Variants in LYG1 observed in about 807,000 individuals in gnomAD.
The protein encoded by LYG1 is lysozyme g-like protein 1.
In LYG1, 17 loss-of-function variants were observed where a neutral mutation model predicts 21.7. The ratio of observed to expected loss-of-function variants is 0.78; its 90% CI spans 0.54 to 1.18. LYG1 has a LOEUF of 1.18. LYG1 is among the 50% of genes most tolerant of loss of function. The pLI is 0.00. For missense variants in LYG1, 211 were observed against 238.1 expected (o/e 0.89, Z 0.75); for synonymous variants, 81 against 87.4 (o/e 0.93, Z 0.41).
chr2:99,284,768 T>C lies in LYG1; in HGVS notation c.386A>G (p.Gln129Arg), dbSNP rs776137431. The C allele has an allele frequency of 6.2e-7, 1 of 1,613,802 alleles. No individual in the cohort carries two copies. The highest frequency in any genetic ancestry group is 1.3e-5 in the African/African-American group (1 of 75,028). The change falls in exon 6 of 7, where the codon CAG becomes CGG. Residue 129 changes from glutamine (Q) to arginine (R), a missense_variant. Transcript: ENST00000308528. ...TCTAGTAGTCAGAACTTCAGTTGTC[T>C]GGGAAACCTGAGACTCACTAATCCA... ...TSWISESQVS[Q>R]TTEVLTTRIK...
At chr2:99,287,703 G>C (rs1373741628) in intron 5 of LYG1, among the ~76,000 whole-genome samples, 4 of 152,006 alleles carry the variant, frequency 2.6e-5, no homozygotes, top group Non-Finnish European at 4.4e-5. Flanking sequence ...ACTTAGTGTT[G>C]TGTATGTGTG....
intron 4 of LYG1, among the ~76,000 whole-genome samples, chr2:99,292,265 A>G (rs919594920): frequency 1.3e-5 from 2 of 152,230 alleles, no homozygotes; most frequent in African/African-American, 4.8e-5. Flanking sequence ...AACCTGGGCA[A>G]CAAGACAGAA....
At chr2:99,292,985 C>CTTTTTTTTTTT (rs70940159) in intron 3 of LYG1, among the ~76,000 whole-genome samples, 6 of 83,164 alleles carry the variant, frequency 7.2e-5, no homozygotes, top group East Asian at 4.1e-4. Context: ...CCTCATCTTA[C>CTTTTTTTTTTT]TTTTTTTTTT....
chr2:99,292,985 CTTTTTT>C (rs70940159), intron 3 of LYG1, among the ~76,000 whole-genome samples: 54 of 83,158 alleles, frequency 6.5e-4, no homozygotes, highest in African/African-American at 1.7e-3. Context: ...CCTCATCTTA[CTTTTTT>C]TTTTTTTTTT....
intron 2 of LYG1, among the ~76,000 whole-genome samples, chr2:99,296,480 C>T (rs763267571): frequency 5.3e-5 from 8 of 152,178 alleles, no homozygotes; most frequent in Non-Finnish European, 7.3e-5. Context: ...CTTATCCCAA[C>T]CATTCCCCTA....
chr2:99,287,124 G>A (rs938060114), intron 5 of LYG1, among the ~76,000 whole-genome samples: 2 of 152,154 alleles, frequency 1.3e-5, no homozygotes, highest in African/African-American at 4.8e-5. Context: ...GGGAAACTGG[G>A]AGTTGCTAAT....
At position 99,284,383 on chromosome 2, in the gene LYG1, A is replaced by C. The variant is rs2094090081; in HGVS notation, c.*10T>G. 3 of 1,612,650 alleles carry C rather than the reference A, an allele frequency of 1.9e-6. No homozygotes were observed. Among genetic ancestry groups the C allele is most frequent in the Non-Finnish European group, 2.5e-6 (3 of 1,178,726 alleles). ...ATATGTGATCATGGTCTTGGGTTTC[A>C]TCTGAGATGTTAGAAGCCATGTCTC... On this transcript the variant is annotated 3_prime_UTR_variant, in exon 7 of 7. Transcript: ENST00000308528.
chr2:99,299,862 G>A (rs2094149092), intron 1 of LYG1, among the ~76,000 whole-genome samples: 1 of 149,972 alleles, frequency 6.7e-6, no homozygotes, highest in African/African-American at 2.5e-5. Context: ...GTAGCATCAT[G>A]TCGTACTCAT....
intron 1 of LYG1, among the ~76,000 whole-genome samples, chr2:99,299,430 A>AT (rs879585259): frequency 6.8e-4 from 96 of 140,672 alleles, no homozygotes; most frequent in Middle Eastern, 3.7e-3. Context: ...AATTGTTTTA[A>AT]TTTTTTTTTT....
At chr2:99,302,243 C>T (rs867115185), upstream of LYG1, among the ~76,000 whole-genome samples, 44 of 152,178 alleles carry the variant, frequency 2.9e-4, no homozygotes, top group Admixed American at 8.5e-4. Flanking sequence ...GGTATACAGT[C>T]TGTTTCTTCT....
chr2:99,291,595 T>C (rs1279330320), intron 4 of LYG1, among the ~76,000 whole-genome samples, 174 bp from the exon 5 acceptor site: 1 of 152,128 alleles, frequency 6.6e-6, no homozygotes, highest in Non-Finnish European at 1.5e-5. Flanking sequence ...AGGTTAGGGC[T>C]CTCCTCCTGT....
intron 3 of LYG1, 54 bp downstream of exon 3, chr2:99,295,574 C>T: frequency 6.3e-7 from 1 of 1,593,606 alleles, no homozygotes; most frequent in South Asian, 1.1e-5. Context: ...CATTGTGTTC[C>T]TGTGCTTATC....
upstream of LYG1, among the ~76,000 whole-genome samples, chr2:99,303,637 G>A (rs140819094): frequency 0.014 from 2,188 of 152,276 alleles, 23 homozygotes; most frequent in Middle Eastern, 0.034. Context: ...TTGCATTGGA[G>A]GTGAGCCAGA....
At chr2:99,299,523 C>T (rs891899409) in intron 1 of LYG1, among the ~76,000 whole-genome samples, 41 of 151,094 alleles carry the variant, frequency 2.7e-4, no homozygotes, top group African/African-American at 9.5e-4. Flanking sequence ...TGCCTGAGCT[C>T]AGGTGATTCT....
chr2:99,285,671 G>T (rs868148750), intron 5 of LYG1, among the ~76,000 whole-genome samples: 18 of 152,124 alleles, frequency 1.2e-4, no homozygotes, highest in African/African-American at 4.3e-4. Flanking sequence ...TTCCATGAAG[G>T]GATTTTCCCA....
At chr2:99,295,761 T>C in intron 2 of LYG1, 59 bp from the exon 3 acceptor site, 1 of 1,495,002 alleles carries the variant, frequency 6.7e-7, no homozygotes, top group South Asian at 1.1e-5. Flanking sequence ...CATAACCACA[T>C]GTAATATTTC....
At chr2:99,294,196 G>A (rs79738900) in intron 3 of LYG1, among the ~76,000 whole-genome samples, 13 of 152,316 alleles carry the variant, frequency 8.5e-5, no homozygotes, top group African/African-American at 2.9e-4. Context: ...TTACAGGCAT[G>A]AGCCACCGCA....
At chr2:99,300,680 C>G (rs1356918242) in intron 1 of LYG1, among the ~76,000 whole-genome samples, 1 of 149,772 alleles carries the variant, frequency 6.7e-6, no homozygotes, top group Non-Finnish European at 1.5e-5. Context: ...AATACAAACA[C>G]CTTAGTCTTT....
At chr2:99,299,453 TCTGA>T (rs1044371316) in intron 1 of LYG1, among the ~76,000 whole-genome samples, 2 of 151,162 alleles carry the variant, frequency 1.3e-5, no homozygotes, top group African/African-American at 4.9e-5. Flanking sequence ...CAAAACATAG[TCTGA>T]CTGTCACCTA....
Sources: allele counts gnomAD v4.1 joint callset (sites outside exome capture counted in the v4.1 genomes callset), GRCh38; gene constraint gnomAD v4.1.1; transcripts MANE v1.5; gene names NCBI Gene and HGNC (gene_info 2026-07-23, HGNC 2026-07-21).